The following ADGRE1 variants were observed in gnomAD, a reference collection of about 807,000 sequenced individuals.
ADGRE1 encodes EGF-like module receptor 1.
A neutral mutation model predicts 102.7 loss-of-function variants in ADGRE1; 82 were observed. That is an observed-to-expected ratio of 0.80 (90% CI 0.67 to 0.96). The LOEUF is 0.96. Ranked by LOEUF, ADGRE1 falls within the 40% of genes least tolerant of loss-of-function variation. The pLI, the probability that ADGRE1 is intolerant of heterozygous loss-of-function variation, is 0.00. For synonymous variants in ADGRE1, 398 were observed against 399.6 expected (o/e 1.00, Z 0.05); for missense variants, 1,032 against 1,085.3 (o/e 0.95, Z 0.69).
At chr19:6,932,696 C>G (rs1375887936) in intron 17 of ADGRE1, among the ~76,000 whole-genome samples, 1 of 152,056 alleles carries the variant, frequency 6.6e-6, no homozygotes, top group Non-Finnish European at 1.5e-5. Context: ...ACTGCCTGGC[C>G]CTACCCAACT....
At chr19:6,902,856 C>A (rs1210384637) in intron 6 of ADGRE1, among the ~76,000 whole-genome samples, 1 of 152,240 alleles carries the variant, frequency 6.6e-6, no homozygotes, top group Non-Finnish European at 1.5e-5. Flanking sequence ...TTTGCCTCAG[C>A]CTCTTGAGTA....
intron 17 of ADGRE1, 141 bp downstream of exon 17, chr19:6,928,352 G>T: frequency 6.5e-7 from 1 of 1,536,580 alleles, no homozygotes; most frequent in Non-Finnish European, 8.7e-7. Context: ...CAGGCCGGGC[G>T]TGGTGGCTCA....
intron 2 of ADGRE1, 128 bp downstream of exon 2, chr19:6,890,671 T>A: frequency 1.1e-6 from 1 of 915,030 alleles, no homozygotes; most frequent in Non-Finnish European, 1.7e-6. Context: ...GAGCAAGGGT[T>A]AACATGCAAG....
chr19:6,906,033 T>C (rs927904316), intron 8 of ADGRE1, among the ~76,000 whole-genome samples: 2 of 152,224 alleles, frequency 1.3e-5, no homozygotes, highest in African/African-American at 4.8e-5. Flanking sequence ...AATGATATCA[T>C]ACTACATATG....
intron 20 of ADGRE1, among the ~76,000 whole-genome samples, chr19:6,938,770 C>CTTTT (rs869045108): frequency 8.2e-4 from 76 of 92,794 alleles, no homozygotes; most frequent in African/African-American, 2.5e-3. Flanking sequence ...GCTCTATTTT[C>CTTTT]TTTTTTCTTT....
At chr19:6,909,732 T>TTTTG (rs748881511) in intron 10 of ADGRE1, among the ~76,000 whole-genome samples, 8 of 151,964 alleles carry the variant, frequency 5.3e-5, no homozygotes, top group Admixed American at 3.3e-4. Flanking sequence ...GTTTGTTTTG[T>TTTTG]TTTGTTTGTT....
At chr19:6,914,302 C>A (rs1425241578) in intron 11 of ADGRE1, among the ~76,000 whole-genome samples, 1 of 152,232 alleles carries the variant, frequency 6.6e-6, no homozygotes, top group South Asian at 2.1e-4. Context: ...CACAGCTGCT[C>A]CTTCTGCCTG....
chr19:6,926,430 T>C lies in ADGRE1; in HGVS notation c.2051T>C (p.Leu684Pro). 1.2e-6 allele frequency: 2 copies of C among 1,614,246 alleles called. No individual in the cohort carries two copies. The highest frequency in any genetic ancestry group is 1.7e-6 in the Non-Finnish European group (2 of 1,180,048). ...YLFLACFFWM[L>P]VEAVILFLMV... is the part of the protein sequence containing the mutation. Reference sequence around the variant, plus strand: ...TTCCTTGCCTGCTTCTTCTGGATGCTGGTGGAGGCTGTGATACTGTTCTTG... The same window carrying C: ...TTCCTTGCCTGCTTCTTCTGGATGCCGGTGGAGGCTGTGATACTGTTCTTG... Residue 684 changes from leucine to proline, a missense_variant, in exon 16 of 21, where the codon CTG (leucine) becomes CCG (proline). By Grantham distance (98) the Leu-to-Pro change is moderately conservative (BLOSUM62 -3). Transcript: ENST00000312053.
intron 14 of ADGRE1, among the ~76,000 whole-genome samples, chr19:6,922,844 G>T (rs902508897): frequency 1.3e-5 from 2 of 152,094 alleles, no homozygotes; most frequent in Admixed American, 1.3e-4. Context: ...TCGGGAGGCC[G>T]AGGTGGGCAG....
intron 8 of ADGRE1, among the ~76,000 whole-genome samples, chr19:6,905,398 A>G (rs1438350973): frequency 6.7e-6 from 1 of 148,830 alleles, no homozygotes; most frequent in Non-Finnish European, 1.5e-5. Context: ...TGTCGCCCAG[A>G]CTGGAGTGCA....
intron 12 of ADGRE1, 114 bp from the exon 13 acceptor site, chr19:6,919,434 C>T (rs1974538228): frequency 3.7e-6 from 2 of 540,830 alleles, no homozygotes; most frequent in Non-Finnish European, 6.1e-6. Context: ...CTCTCCCCCT[C>T]CCTCCCTCTG....
At chr19:6,915,718 G>A (rs982949404) in intron 11 of ADGRE1, among the ~76,000 whole-genome samples, 3 of 151,948 alleles carry the variant, frequency 2.0e-5, no homozygotes, top group Admixed American at 6.6e-5. Flanking sequence ...TCAGGAGATC[G>A]AGACCATCCT....
At chr19:6,887,750 G>C (rs1973203985) in intron 1 of ADGRE1, 111 bp downstream of exon 1, 6 of 1,186,020 alleles carry the variant, frequency 5.1e-6, no homozygotes, top group Non-Finnish European at 7.1e-6. Flanking sequence ...GTCCAGACTG[G>C]ATGCTGCAAA....
intron 14 of ADGRE1, among the ~76,000 whole-genome samples, chr19:6,922,960 C>T (rs1253974693): frequency 3.9e-5 from 6 of 152,068 alleles, no homozygotes; most frequent in Admixed American, 3.9e-4. Flanking sequence ...ACCTGCAGTC[C>T]AAGCTACTCG....
intron 6 of ADGRE1, 41 bp from the exon 7 acceptor site, chr19:6,903,769 C>T (rs778827272): frequency 6.2e-7 from 1 of 1,607,032 alleles, no homozygotes; most frequent in Admixed American, 1.7e-5. Context: ...TTTGTTGGCT[C>T]ATTGGCCAAC....
chr19:6,936,191 G>C (rs252561), intron 18 of ADGRE1, among the ~76,000 whole-genome samples: 110,318 of 152,044 alleles, frequency 0.73, 40,498 homozygotes, highest in Non-Finnish European at 0.79. Flanking sequence ...ATTCCCAGCA[G>C]TTTGGGAGGC....
rs1354466287 is a variant in ADGRE1 at position 6,890,548 on chromosome 19, G to C, written c.94+5G>C. ...CACGGAAACCAAACACAAAGGGTAA[G>C]TTGGCCAGAGAGAATGCAGATGCCT... On this transcript the variant is annotated splice_donor_5th_base_variant and intron_variant, in intron 2 of 20. Coordinates refer to ENST00000312053, the MANE Select transcript of ADGRE1 (RefSeq NM_001974.5). 6.2e-7 allele frequency: 1 copy of C among 1,610,406 alleles called. No homozygotes were observed. Among genetic ancestry groups the C allele is most frequent in the East Asian group, 2.2e-5 (1 of 44,670 alleles).
At chr19:6,896,274 G>A (rs1047623618) in intron 2 of ADGRE1, 124 bp from the exon 3 acceptor site, 43 of 920,026 alleles carry the variant, frequency 4.7e-5, no homozygotes, top group Non-Finnish European at 6.6e-5. Flanking sequence ...GGACTGTAAC[G>A]TATCTTTTGG....
intron 14 of ADGRE1, among the ~76,000 whole-genome samples, chr19:6,923,362 T>G (rs1280209270): frequency 6.6e-6 from 1 of 152,204 alleles, no homozygotes; most frequent in Non-Finnish European, 1.5e-5. Context: ...TATAGTATGC[T>G]TCTGGCACAG....
Sources: gnomAD v4.1 joint callset for allele counts (sites outside exome capture counted in the v4.1 genomes callset) on GRCh38, gnomAD v4.1.1 for gene constraint, MANE v1.5 for transcripts, NCBI Gene and HGNC (gene_info 2026-07-23, HGNC 2026-07-21) for gene names.